The following EYS variants were observed in gnomAD, a reference collection of about 807,000 sequenced individuals.
The protein encoded by EYS is EGF-like photoreceptor maintenance factor.
A neutral mutation model predicts 282.1 loss-of-function variants in EYS; 250 were observed. That is an observed-to-expected ratio of 0.89 (90% CI 0.80 to 0.98). The LOEUF is 0.98. EYS is among the 50% of genes least tolerant of loss of function. The pLI, the probability that EYS is intolerant of heterozygous loss-of-function variation, is 0.00. For synonymous variants in EYS, 1,355 were observed against 1,282.9 expected, an observed-to-expected ratio of 1.06 and a Z score of -1.20; for missense variants, 4,016 against 3,709.0, an observed-to-expected ratio of 1.08 and a Z score of -2.15.
intron 14 of EYS, among the ~76,000 whole-genome samples, chr6:64,965,242 C>G (rs1457633679): frequency 6.6e-6 from 1 of 151,946 alleles, no homozygotes; most frequent in East Asian, 1.9e-4. Context: ...CTTTAGCGAA[C>G]AGAATTGACA....
chr6:64,653,331 C>T (rs1309083630), intron 22 of EYS, among the ~76,000 whole-genome samples: 1 of 152,016 alleles, frequency 6.6e-6, no homozygotes, highest in East Asian at 1.9e-4. Flanking sequence ...TTTAAACCAC[C>T]CAGTTTGTGA....
intron 22 of EYS, among the ~76,000 whole-genome samples, chr6:64,804,169 A>T (rs1285140272): frequency 1.3e-5 from 2 of 152,232 alleles, no homozygotes; most frequent in Non-Finnish European, 2.9e-5. Flanking sequence ...TATTAAAGGC[A>T]TCAAATTTTG....
chr6:64,527,280 C>A (rs905357262), intron 26 of EYS, among the ~76,000 whole-genome samples: 1 of 151,566 alleles, frequency 6.6e-6, no homozygotes, highest in Non-Finnish European at 1.5e-5. Context: ...AAATAACAAC[C>A]AAAACAGGAA....
chr6:64,861,318 G>A (rs1028817740), intron 19 of EYS, among the ~76,000 whole-genome samples: 2 of 152,186 alleles, frequency 1.3e-5, no homozygotes, highest in African/African-American at 4.8e-5. Flanking sequence ...AACAGCACAC[G>A]GGCTTGGCCT....
chr6:64,659,600 A>T (rs1280991338), intron 22 of EYS, among the ~76,000 whole-genome samples: 1 of 152,314 alleles, frequency 6.6e-6, no homozygotes, highest in Non-Finnish European at 1.5e-5. Context: ...AGAGAATACT[A>T]TAAACACCTC....
At chr6:63,788,987 TATCTTAGC>T in intron 38 of EYS, 63 bp downstream of exon 38, 1 of 1,463,196 alleles carries the variant, frequency 6.8e-7, no homozygotes, top group Non-Finnish European at 9.2e-7. Flanking sequence ...TTCACCTCTG[TATCTTAGC>T]ACAGATCTGA....
rs1015397809 is a variant in EYS at position 64,563,850 on chromosome 6, T to G, written c.5644+26373A>C. Among the ~76,000 whole-genome samples the G allele has an allele frequency of 7.2e-4, 109 of 152,078 alleles. 1 individual carries two copies. Among genetic ancestry groups the G allele is most frequent in the African/African-American group, 2.6e-3 (106 of 41,458 alleles). ...GAATAAAAAAAGGAATAAAATATTC[T>G]CAAAGTAAATTTAAAGCTTAGAAAA... On this transcript the variant is annotated intron_variant, in intron 26 of 42. Coordinates refer to ENST00000503581, the MANE Select transcript of EYS (RefSeq NM_001142800.2).
intron 7 of EYS, among the ~76,000 whole-genome samples, chr6:65,390,340 A>G (rs1403417298): frequency 1.3e-5 from 2 of 151,302 alleles, no homozygotes; most frequent in Non-Finnish European, 2.9e-5. Context: ...GAGAAAAGCT[A>G]CTAGAAAAGG....
intron 31 of EYS, among the ~76,000 whole-genome samples, chr6:64,200,248 A>G (rs1032307761): frequency 6.6e-6 from 1 of 152,260 alleles, no homozygotes; most frequent in Middle Eastern, 3.4e-3. Flanking sequence ...ATTATATTCT[A>G]ATGGTGGACA....
chr6:64,812,698 A>G (rs939222844), intron 22 of EYS, among the ~76,000 whole-genome samples: 1 of 152,054 alleles, frequency 6.6e-6, no homozygotes, highest in Non-Finnish European at 1.5e-5. Context: ...ACAAATTTTA[A>G]CTTAACATCA....
At chr6:64,000,550 G>A (rs1768048575) in intron 33 of EYS, among the ~76,000 whole-genome samples, 1 of 151,292 alleles carries the variant, frequency 6.6e-6, no homozygotes, top group Non-Finnish European at 1.5e-5. Context: ...TGGAGAAGTT[G>A]GTCATTTTAT....
At chr6:65,464,017 C>T (rs988206595) in intron 5 of EYS, among the ~76,000 whole-genome samples, 2 of 151,888 alleles carry the variant, frequency 1.3e-5, no homozygotes, top group African/African-American at 4.8e-5. Flanking sequence ...TATCTTTATC[C>T]TAAAGAAAAA....
intron 1 of EYS, among the ~76,000 whole-genome samples, chr6:65,676,277 CA>C (rs1244201570): frequency 6.6e-6 from 1 of 151,518 alleles, no homozygotes; most frequent in African/African-American, 2.4e-5. Flanking sequence ...TAAAAATCAA[CA>C]AAAATAAGAA....
intron 28 of EYS, among the ~76,000 whole-genome samples, chr6:64,389,428 G>A (rs935068162): frequency 1.3e-5 from 2 of 152,150 alleles, no homozygotes; most frequent in African/African-American, 4.8e-5. Context: ...ACTTTAACAT[G>A]TAGATATGCA....
intron 31 of EYS, among the ~76,000 whole-genome samples, chr6:64,164,762 G>T (rs115678415): frequency 0.042 from 6,442 of 152,160 alleles, 409 homozygotes; most frequent in African/African-American, 0.14. Context: ...AATATATTTT[G>T]ATTTGCTGAA....
chr6:63,839,002 G>A (rs1771880650), intron 36 of EYS, among the ~76,000 whole-genome samples: 1 of 152,138 alleles, frequency 6.6e-6, no homozygotes, highest in Non-Finnish European at 1.5e-5. Flanking sequence ...TAGGCAATGT[G>A]TGATTATCAA....
rs138508237 is a variant in EYS, at chr6:65,402,443, C to T, written c.1184+35G>A. The T allele has an allele frequency of 8.3e-4, 1,137 of 1,364,324 alleles. 9 individuals are homozygous for T. The African/African-American group carries it at 0.014, about 17-fold the overall frequency. 84.5% of individuals were successfully genotyped at this position (1,364,324 alleles called of 1,614,324 possible). A position where few individuals can be genotyped will look rare whatever the true frequency, so the allele number is the denominator to read the frequency against. Reference sequence around the variant, plus strand: ...TTCACATGATTTAAAAATCCATGTACTTTGTATTAAAAATAAACAGAAAAT... The same window carrying T: ...TTCACATGATTTAAAAATCCATGTATTTTGTATTAAAAATAAACAGAAAAT... On this transcript the variant is annotated intron_variant, in intron 7 of 42. Transcript: ENST00000503581.
At chr6:64,492,414 C>T (rs1181425445) in intron 26 of EYS, among the ~76,000 whole-genome samples, 1 of 150,766 alleles carries the variant, frequency 6.6e-6, no homozygotes, top group African/African-American at 2.4e-5. Context: ...TAAAATATGC[C>T]CCTTTGCTTA....
At chr6:65,498,531 C>T (rs1766332456) in intron 2 of EYS, among the ~76,000 whole-genome samples, 1 of 151,896 alleles carries the variant, frequency 6.6e-6, no homozygotes, top group African/African-American at 2.4e-5. Context: ...TATTGTGGGG[C>T]TAATCCCATG....
Sources: gnomAD v4.1 joint callset for allele counts (sites outside exome capture counted in the v4.1 genomes callset) on GRCh38, gnomAD v4.1.1 for gene constraint, MANE v1.5 for transcripts, NCBI Gene and HGNC (gene_info 2026-07-23, HGNC 2026-07-21) for gene names.